Variants in ICE2 observed in about 807,000 individuals in gnomAD.
The protein encoded by ICE2 is little elongation complex subunit 2.
ICE2 carries 87 observed loss-of-function variants against 105.4 expected under a neutral mutation model. The observed-to-expected ratio is 0.83, with a 90% CI of 0.69 to 0.99. The LOEUF (loss-of-function observed/expected upper bound fraction) is 0.99, where lower values mean the gene tolerates loss of function less well. Among genes scored for constraint, ICE2 ranks in the 50% least tolerant of loss-of-function variants. The pLI is 0.00. For missense variants in ICE2, 1,323 were observed against 1,146.7 expected (o/e 1.15, Z -2.22); for synonymous variants, 399 against 392.0 (o/e 1.02, Z -0.21).
At chr15:60,432,061 G>T in intron 13 of ICE2, 77 bp from the exon 14 acceptor site, 1 of 685,502 alleles carries the variant, frequency 1.5e-6, no homozygotes, top group Non-Finnish European at 2.5e-6. Context: ...CTCAGGCAGA[G>T]AAATGCCCTC....
At chr15:60,462,416 T>C (rs1011946088) in intron 5 of ICE2, among the ~76,000 whole-genome samples, 19 of 152,206 alleles carry the variant, frequency 1.2e-4, no homozygotes, top group African/African-American at 4.3e-4. Flanking sequence ...TTTTAAGTGT[T>C]CTCACAACAA....
intron 13 of ICE2, among the ~76,000 whole-genome samples, 200 bp downstream of exon 13, chr15:60,435,943 A>G (rs1212313887): frequency 1.3e-5 from 2 of 152,206 alleles, no homozygotes; most frequent in Non-Finnish European, 1.5e-5. Context: ...ACTGCACTCC[A>G]GCCTGGGTGA....
intron 10 of ICE2, 51 bp from the exon 11 acceptor site, chr15:60,448,196 A>C: frequency 3.5e-6 from 4 of 1,141,046 alleles, no homozygotes; most frequent in Non-Finnish European, 5.0e-6. Flanking sequence ...CTTACCCATC[A>C]TAAGCAAGGA....
intron 5 of ICE2, among the ~76,000 whole-genome samples, chr15:60,462,708 G>C (rs575093367): frequency 6.6e-6 from 1 of 152,054 alleles, no homozygotes; most frequent in African/African-American, 2.4e-5. Context: ...GAAAACATGC[G>C]CTCTCTCTGG....
intron 12 of ICE2, among the ~76,000 whole-genome samples, chr15:60,437,327 C>G (rs1365679990): frequency 6.6e-6 from 1 of 151,764 alleles, no homozygotes; most frequent in East Asian, 1.9e-4. Flanking sequence ...TCAAAGCAGT[C>G]AGTTCCAAGT....
At chr15:60,447,939 T>A in intron 11 of ICE2, 31 bp downstream of exon 11, 1 of 1,561,832 alleles carries the variant, frequency 6.4e-7, no homozygotes, top group South Asian at 1.2e-5. Context: ...ATTTATGTGA[T>A]CATATTCTAA....
At chr15:60,453,387 T>TA in intron 9 of ICE2, 1 of 1,337,680 alleles carries the variant, frequency 7.5e-7, no homozygotes, top group South Asian at 2.0e-5. Flanking sequence ...CCTTGTCAAG[T>TA]AGGTACTACT....
At chr15:60,434,499 G>A (rs2063535979) in intron 13 of ICE2, among the ~76,000 whole-genome samples, 2 of 147,848 alleles carry the variant, frequency 1.4e-5, no homozygotes, top group Non-Finnish European at 1.5e-5. Context: ...TCCATCAATG[G>A]ATGAATGAAT....
Position 60,475,600 on chromosome 15 carries a change from C to A in ICE2, c.146+463G>T, listed in dbSNP as rs550844013. On this transcript the variant is annotated intron_variant, in intron 3 of 15. Transcript: ENST00000261520. ...AAATGCTGGGGCATGAAAAGATATT[C>A]AAAATATCACTTTAAATGACAGATA... Among the ~76,000 whole-genome samples, 11 of 152,132 alleles carry A rather than the reference C, an allele frequency of 7.2e-5. No individual in the cohort carries two copies. In the South Asian group the frequency reaches 2.3e-3, roughly 32 times the overall value.
chr15:60,456,646 A>G lies in ICE2; in HGVS notation c.666+11T>C. 1.3e-6 allele frequency: 2 copies of G among 1,566,470 alleles called. No homozygotes were observed. The highest frequency in any genetic ancestry group is 1.7e-6 in the Non-Finnish European group (2 of 1,155,996). ...AAAAAAAAGCTTATATCGTCTGATA[A>G]TAAACCTTACCAATGCGAGAAGAGT... is the stretch of plus-strand genomic sequence containing the variant. On this transcript the variant is annotated intron_variant, in intron 6 of 15. Transcript: ENST00000261520.
intron 14 of ICE2, among the ~76,000 whole-genome samples, chr15:60,431,333 G>T (rs1044639964): frequency 9.2e-5 from 14 of 152,206 alleles, no homozygotes; most frequent in African/African-American, 3.1e-4. Context: ...TAAGGATTTT[G>T]AGATGAGGGG....
chr15:60,427,057 C>G (rs2063353187), intron 15 of ICE2, among the ~76,000 whole-genome samples: 1 of 152,146 alleles, frequency 6.6e-6, no homozygotes, highest in South Asian at 2.1e-4. Context: ...TTGGCCAAAG[C>G]TAAGTAGGAA....
In ICE2 at chr15:60,431,962, G is replaced by A. The variant is rs531287375; in HGVS notation, c.2533C>T (p.Leu845Phe). 7.1e-6 allele frequency: 10 copies of A among 1,413,344 alleles called. No individual in the cohort carries two copies. In the South Asian group the frequency reaches 7.3e-5, roughly 10 times the overall value. 87.6% of individuals were successfully genotyped at this position (1,413,344 alleles called of 1,614,324 possible). A position where few individuals can be genotyped will look rare whatever the true frequency, so the allele number is the denominator to read the frequency against. The stretch of plus-strand genomic sequence containing the variant: ...CTTAGTTTCTTTAGAATGTGTTGGA[G>A]GATGTTAAATAAATTGGAAATCCTG... Reference protein sequence around the residue: ...ALKISNLFNILQHILKKLSSL... With the variant: ...ALKISNLFNIFQHILKKLSSL... The change falls in exon 14 of 16, where the codon CTC (leucine) becomes TTC (phenylalanine). Residue 845 changes from leucine (L) to phenylalanine (F), a missense_variant. Transcript: ENST00000261520.
At position 60,449,745 on chromosome 15, in the gene ICE2, C is replaced by T; in HGVS notation, c.1222G>A (p.Val408Ile). The T allele has an allele frequency of 1.2e-6, 2 of 1,614,070 alleles. No homozygotes were observed. The highest frequency in any genetic ancestry group is 1.1e-5 in the South Asian group (1 of 91,080). Reference sequence around the variant, plus strand: ...GATTTTGATACTTTGGTGGTGGTTACTCCAAAAGTTTCAAGTTCTGTGACA... The same window carrying T: ...GATTTTGATACTTTGGTGGTGGTTATTCCAAAAGTTTCAAGTTCTGTGACA... ...DDVTELETFG[V>I]TTTKVSKSPS... is the part of the protein sequence containing the mutation. Residue 408 changes from valine (V) to isoleucine (I), a missense_variant, in exon 10 of 16, where the codon GTA (valine) becomes ATA (isoleucine). By Grantham distance (29) the Val-to-Ile change is conservative (BLOSUM62 3). Transcript: ENST00000261520.
rs1216345668 is a variant in ICE2, at chr15:60,456,667, A to G, written c.656T>C (p.Leu219Pro). Residue 219 changes from leucine (L) to proline (P), a missense_variant, in exon 6 of 16, where the codon CTT becomes CCT. Coordinates refer to ENST00000261520, the MANE Select transcript of ICE2 (RefSeq NM_024611.6). ...GATAATAAACCTTACCAATGCGAGA[A>G]GAGTTTTTTCTAACTTTAATCCCAT... ...VEMGLKLEKT[L>P]LALGSVKYVK... The G allele has an allele frequency of 1.9e-6, 3 of 1,587,478 alleles. No individual in the cohort carries two copies. The highest frequency in any genetic ancestry group is 2.7e-5 in the African/African-American group (2 of 73,250).
At chr15:60,425,308 C>T (rs769718233) in intron 15 of ICE2, among the ~76,000 whole-genome samples, 1 of 152,164 alleles carries the variant, frequency 6.6e-6, no homozygotes. Context: ...ATCTATACCA[C>T]TCCTCACTCA....
At chr15:60,461,626 G>C (rs1385400345) in intron 5 of ICE2, among the ~76,000 whole-genome samples, 2 of 152,142 alleles carry the variant, frequency 1.3e-5, no homozygotes, top group East Asian at 3.8e-4. Flanking sequence ...TAATCGTATT[G>C]ATCACTAGTA....
At chr15:60,458,140 T>G (rs998396234) in intron 5 of ICE2, among the ~76,000 whole-genome samples, 32 of 152,184 alleles carry the variant, frequency 2.1e-4, no homozygotes, top group African/African-American at 6.8e-4. Context: ...TATCGAAGTA[T>G]TTTACAACTG....
chr15:60,456,178 G>C (rs1595791333), intron 6 of ICE2, among the ~76,000 whole-genome samples: 1 of 151,908 alleles, frequency 6.6e-6, no homozygotes, highest in South Asian at 2.1e-4. Flanking sequence ...AGAATAAAAA[G>C]AAAGGGAAAC....
Sources: allele counts gnomAD v4.1 joint callset (sites outside exome capture counted in the v4.1 genomes callset), GRCh38; gene constraint gnomAD v4.1.1; transcripts MANE v1.5; gene names NCBI Gene and HGNC (gene_info 2026-07-23, HGNC 2026-07-21).